Variants in NCAM1 observed in about 807,000 individuals in gnomAD.
The protein encoded by NCAM1 is neural cell adhesion molecule 1.
A neutral mutation model predicts 109.8 loss-of-function variants in NCAM1; 14 were observed. The ratio of observed to expected loss-of-function variants is 0.13; its 90% CI spans 0.08 to 0.20. The LOEUF (loss-of-function observed/expected upper bound fraction) is 0.20. Among genes scored for constraint, NCAM1 ranks in the 10% least tolerant of loss-of-function variants. The pLI is 1.00. For missense variants in NCAM1, 774 were observed against 1,109.9 expected (o/e 0.70, Z 4.30); for synonymous variants, 418 against 442.9 (o/e 0.94, Z 0.70).
chr11:113,259,943 A>G, intron 16 of NCAM1: 1 of 467,236 alleles, frequency 2.1e-6, no homozygotes, highest in Non-Finnish European at 3.8e-6. Context: ...ACCTCAAGTG[A>G]TCCACCCGCC....
At chr11:113,000,235 T>A (rs1555072161) in intron 1 of NCAM1, among the ~76,000 whole-genome samples, 3 of 152,200 alleles carry the variant, frequency 2.0e-5, no homozygotes, top group East Asian at 3.9e-4. Context: ...GATAACATGA[T>A]GAGTAAAAAG....
At chr11:113,071,449 G>A (rs1276127947) in intron 1 of NCAM1, among the ~76,000 whole-genome samples, 8 of 137,498 alleles carry the variant, frequency 5.8e-5, no homozygotes, top group South Asian at 2.3e-4. Flanking sequence ...TTTTTGATAC[G>A]GAGTCTCGCT....
chr11:113,224,600 T>C (rs1555115872), intron 9 of NCAM1, among the ~76,000 whole-genome samples: 2 of 152,192 alleles, frequency 1.3e-5, no homozygotes, highest in African/African-American at 2.4e-5. Flanking sequence ...TCTCCCAGCA[T>C]GCAGCTTGAG....
rs2574825 is a variant in NCAM1, at chr11:113,122,464, G to A, written c.53-79915G>A. Among the ~76,000 whole-genome samples the A allele has an allele frequency of 2.7e-3, 407 of 152,234 alleles. 2 individuals carry two copies. The highest frequency in any genetic ancestry group is 9.3e-3 in the African/African-American group (386 of 41,556). ...AGATGTATTAAATTGAACATTTTTG[G>A]TGGAACCTCACTTGTTTTCATTAAT... On this transcript the variant is annotated intron_variant, in intron 1 of 19. Coordinates refer to ENST00000316851, the MANE Select transcript of NCAM1 (RefSeq NM_181351.5).
intron 1 of NCAM1, among the ~76,000 whole-genome samples, chr11:113,170,232 A>G (rs1942949419): frequency 6.6e-6 from 1 of 152,176 alleles, no homozygotes; most frequent in Non-Finnish European, 1.5e-5. Flanking sequence ...ATAGAGGGAG[A>G]GGGTTCCAGG....
chr11:113,255,305 T>C (rs1222930242), intron 15 of NCAM1, among the ~76,000 whole-genome samples: 3 of 152,186 alleles, frequency 2.0e-5, no homozygotes, highest in African/African-American at 4.8e-5. Context: ...AAACTTCTTA[T>C]TTTTTAAACG....
chr11:113,025,604 G>T (rs983167073), intron 1 of NCAM1, among the ~76,000 whole-genome samples: 1 of 152,040 alleles, frequency 6.6e-6, no homozygotes, highest in African/African-American at 2.4e-5. Flanking sequence ...AGCAGAGAAG[G>T]GGGTGGGTGA....
intron 1 of NCAM1, among the ~76,000 whole-genome samples, chr11:113,129,358 C>T (rs561237296): frequency 9.2e-5 from 14 of 152,316 alleles, no homozygotes; most frequent in Admixed American, 2.0e-4. Context: ...ATTTTCTGTG[C>T]ATGCGGAGCT....
At chr11:113,182,862 C>T (rs868973210) in intron 1 of NCAM1, among the ~76,000 whole-genome samples, 3 of 152,188 alleles carry the variant, frequency 2.0e-5, no homozygotes, top group African/African-American at 4.8e-5. Context: ...CTTGGGACCT[C>T]TGATGTGCTG....
Position 113,232,258 on chromosome 11 carries a change from T to G in NCAM1, c.1329T>G (p.Ser443Arg). 1 of 1,613,936 alleles carries G rather than the reference T, an allele frequency of 6.2e-7. No homozygotes were observed. Among genetic ancestry groups the G allele is most frequent in the Non-Finnish European group, 8.5e-7 (1 of 1,179,830 alleles). ...CCTGCGAGGTATTTGCCTATCCCAG[T>G]GCCACGATCTCATGGTTTCGGGATG... ...NITCEVFAYPSATISWFRDGQ... is the reference protein window; with the variant it reads ...NITCEVFAYPRATISWFRDGQ... The change falls in exon 11 of 20, where the codon AGT becomes AGG. Residue 443 changes from serine (S) to arginine (R), a missense_variant. By Grantham distance (110) the Ser-to-Arg change is moderately radical. This residue lies in a region of NCAM1 where 523 missense variants were observed against 784.2 expected (regional missense o/e 0.67). Coordinates refer to ENST00000316851, the MANE Select transcript of NCAM1 (RefSeq NM_181351.5).
intron 1 of NCAM1, among the ~76,000 whole-genome samples, chr11:113,125,184 C>A (rs1320764064): frequency 3.3e-5 from 5 of 152,140 alleles, no homozygotes; most frequent in African/African-American, 1.2e-4. Flanking sequence ...GATGGCTTTG[C>A]TCAGTAAGCA....
intron 1 of NCAM1, among the ~76,000 whole-genome samples, chr11:113,110,297 T>G (rs1940821345): frequency 6.6e-6 from 1 of 152,158 alleles, no homozygotes; most frequent in Admixed American, 6.5e-5. Context: ...AAGATAAAGG[T>G]GGATCATATT....
At chr11:113,271,984 G>C in intron 19 of NCAM1, 108 bp downstream of exon 19, 1 of 739,958 alleles carries the variant, frequency 1.4e-6, no homozygotes, top group Non-Finnish European at 2.1e-6. Flanking sequence ...CGGCCAAACA[G>C]TTCAGGCCAG....
rs1937679022 is a variant in NCAM1, at chr11:113,062,028, T to C, written c.52+100364T>C. ...TGAGTCTTAGGAGAAGTACCCTACCTTGCAGCTGTCATCTGCCTGGAAGGT... is the reference window on the plus strand; with the variant it reads ...TGAGTCTTAGGAGAAGTACCCTACCCTGCAGCTGTCATCTGCCTGGAAGGT... On this transcript the variant is annotated intron_variant, in intron 1 of 19. Coordinates refer to ENST00000316851, the MANE Select transcript of NCAM1 (RefSeq NM_181351.5). Among the ~76,000 whole-genome samples, 4 of 152,204 alleles carry C rather than the reference T, an allele frequency of 2.6e-5. No individual in the cohort carries two copies. In the South Asian group the frequency reaches 8.3e-4, roughly 32 times the overall value.
intron 1 of NCAM1, among the ~76,000 whole-genome samples, chr11:113,183,938 C>G (rs1255578251): frequency 6.6e-6 from 1 of 152,174 alleles, no homozygotes; most frequent in Non-Finnish European, 1.5e-5. Flanking sequence ...TCTATATTTT[C>G]TACATGTAGG....
chr11:113,141,747 C>T (rs944240187), intron 1 of NCAM1, among the ~76,000 whole-genome samples: 12 of 152,050 alleles, frequency 7.9e-5, no homozygotes, highest in Admixed American at 2.6e-4. Context: ...CGTAGTGAGC[C>T]GCCTTGCATA....
At chr11:113,173,585 TTACCTG>T (rs1943054188) in intron 1 of NCAM1, among the ~76,000 whole-genome samples, 3 of 71,350 alleles carry the variant, frequency 4.2e-5, no homozygotes, top group Non-Finnish European at 7.7e-5. Flanking sequence ...TATTAGCATG[TTACCTG>T]ATATATATAT....
intron 1 of NCAM1, among the ~76,000 whole-genome samples, chr11:113,099,523 A>T (rs569267638): frequency 6.6e-6 from 1 of 152,326 alleles, no homozygotes; most frequent in Admixed American, 6.5e-5. Flanking sequence ...TAACAGAGGA[A>T]TGTGCGTTAA....
At chr11:112,991,307 T>C (rs1441164437) in intron 1 of NCAM1, among the ~76,000 whole-genome samples, 1 of 152,170 alleles carries the variant, frequency 6.6e-6, no homozygotes, top group African/African-American at 2.4e-5. Flanking sequence ...AAATGATCAA[T>C]TAAATAAACA....
Sources: allele counts gnomAD v4.1 joint callset (sites outside exome capture counted in the v4.1 genomes callset), GRCh38; gene constraint gnomAD v4.1.1; regional missense constraint gnomAD v4.1.1; transcripts MANE v1.5; gene names NCBI Gene and HGNC (gene_info 2026-07-23, HGNC 2026-07-21).